ANKRD18A: variants seen among roughly 807,000 people sequenced by gnomAD.
ANKRD18A encodes ankyrin repeat domain 18A, also known as ankyrin repeat domain-containing protein 18A.
Under a neutral mutation model 110.6 loss-of-function variants are expected in ANKRD18A, and 72 were observed. The observed-to-expected ratio is 0.65, with a 90% confidence interval of 0.54 to 0.79. The LOEUF (loss-of-function observed/expected upper bound fraction) is 0.79. Ranked by LOEUF, ANKRD18A falls within the 30% of genes least tolerant of loss-of-function variation. The pLI is 0.00. For synonymous variants in ANKRD18A, 305 were observed against 410.3 expected (o/e 0.74, Z 3.10); for missense variants, 934 against 1,163.3 (o/e 0.80, Z 2.87).
intron 3 of ANKRD18A, among the ~76,000 whole-genome samples, chr9:38,615,185 C>T (rs1442228002): frequency 1.3e-5 from 2 of 152,140 alleles, no homozygotes; most frequent in Admixed American, 6.5e-5. Context: ...AAACCTTGCC[C>T]ATGAAAGATA....
At chr9:38,586,618 G>A (rs1195466347) in intron 11 of ANKRD18A, among the ~76,000 whole-genome samples, 1 of 152,018 alleles carries the variant, frequency 6.6e-6, no homozygotes, top group Non-Finnish European at 1.5e-5. Flanking sequence ...AGGCTGAAGT[G>A]TGATGGCGTG....
intron 6 of ANKRD18A, among the ~76,000 whole-genome samples, chr9:38,605,647 C>A (rs1246150613): frequency 6.6e-6 from 1 of 152,140 alleles, no homozygotes; most frequent in Admixed American, 6.5e-5. Context: ...TGGAATCTTG[C>A]TCTGTCACCC....
rs779510893 is a variant in ANKRD18A, at chr9:38,607,437, T to C, written c.797A>G (p.Asn266Ser). The C allele has an allele frequency of 2.0e-6, 3 of 1,502,794 alleles. No homozygotes were observed. The South Asian group carries it at 3.9e-5, about 19-fold the overall frequency. 93.1% of individuals were successfully genotyped at this position (1,502,794 alleles called of 1,614,324 possible). A position where few individuals can be genotyped will look rare whatever the true frequency, so the allele number is the denominator to read the frequency against. ...KNKMLKNHLRNDNQETAAMKP... is the reference protein window; with the variant it reads ...KNKMLKNHLRSDNQETAAMKP... ...ATCAGAAGTCTTACCTTGATTGTCA[T>C]TTCGAAGATGATTTTTAAGCATTTT... Residue 266 changes from asparagine to serine, a missense_variant, in exon 6 of 16, where the codon AAT becomes AGT. Coordinates refer to ENST00000399703, the MANE Select transcript of ANKRD18A (RefSeq NM_147195.4).
chr9:38,597,598 T>C (rs1824943259), intron 8 of ANKRD18A, among the ~76,000 whole-genome samples: 1 of 152,154 alleles, frequency 6.6e-6, no homozygotes, highest in South Asian at 2.1e-4. Flanking sequence ...AAAGGGAAGA[T>C]ACAATTACAT....
intron 10 of ANKRD18A, among the ~76,000 whole-genome samples, chr9:38,591,166 A>C (rs1293945528): frequency 6.8e-6 from 1 of 147,862 alleles, no homozygotes; most frequent in East Asian, 2.0e-4. Flanking sequence ...TCAGGGTCTC[A>C]CTTATATTGC....
chr9:38,614,905 G>A (rs573516060), intron 3 of ANKRD18A, among the ~76,000 whole-genome samples: 1 of 152,262 alleles, frequency 6.6e-6, no homozygotes, highest in East Asian at 1.9e-4. Flanking sequence ...TTGCTGAAGT[G>A]TTTCTCACTT....
At chr9:38,613,239 T>C (rs1825716949) in intron 3 of ANKRD18A, among the ~76,000 whole-genome samples, 2 of 150,914 alleles carry the variant, frequency 1.3e-5, no homozygotes, top group African/African-American at 2.4e-5. Context: ...CAAGCAGTGA[T>C]GTGGTTCTGG....
At chr9:38,591,824 C>T (rs1172441289) in intron 10 of ANKRD18A, among the ~76,000 whole-genome samples, 1 of 152,148 alleles carries the variant, frequency 6.6e-6, no homozygotes, top group Non-Finnish European at 1.5e-5. Flanking sequence ...ACCGACATGA[C>T]CAGCAGAGAC....
At chr9:38,615,129 G>C (rs951852125) in intron 3 of ANKRD18A, among the ~76,000 whole-genome samples, 1 of 152,172 alleles carries the variant, frequency 6.6e-6, no homozygotes, top group African/African-American at 2.4e-5. Flanking sequence ...CAAGTGACCT[G>C]CATGTTTTTG....
intron 10 of ANKRD18A, among the ~76,000 whole-genome samples, chr9:38,591,187 C>T (rs1333432193): frequency 1.4e-5 from 2 of 148,086 alleles, no homozygotes; most frequent in South Asian, 4.3e-4. Context: ...TCTGGCTGGT[C>T]TCAAATTCCT....
At chr9:38,584,180 C>A (rs1824277516) in intron 12 of ANKRD18A, among the ~76,000 whole-genome samples, 1 of 152,196 alleles carries the variant, frequency 6.6e-6, no homozygotes, top group Non-Finnish European at 1.5e-5. Flanking sequence ...TTCAATGGGT[C>A]CACATGGCTA....
chr9:38,611,181 G>T, intron 4 of ANKRD18A, 34 bp downstream of exon 4: 1 of 1,520,808 alleles, frequency 6.6e-7, no homozygotes, highest in South Asian at 1.3e-5. Context: ...AGGTTTTTAG[G>T]AAAAAAGAAA....
chr9:38,575,417 A>G, intron 15 of ANKRD18A, 59 bp downstream of exon 15: 1 of 1,444,704 alleles, frequency 6.9e-7, no homozygotes. Context: ...TCATCAAATT[A>G]TAGACAAGAA....
chr9:38,575,956 A>T (rs1280433495), intron 14 of ANKRD18A, among the ~76,000 whole-genome samples: 1 of 152,234 alleles, frequency 6.6e-6, no homozygotes, highest in African/African-American at 2.4e-5. Flanking sequence ...AATGGCTATC[A>T]GTGATGTACG....
At position 38,611,311 on chromosome 9, in the gene ANKRD18A, G is replaced by T. The variant is rs1472893561; in HGVS notation, c.506C>A (p.Thr169Asn). ...NIEALNKEGN[T>N]PLLFAINSRR... ...GGAATTTATAGCAAACAAAAGTGGA[G>T]TGTTTCCCTCCTGTAAGAAAGCAAA... The change falls in exon 4 of 16, where the codon ACT (threonine) becomes AAT (asparagine). Residue 169 changes from threonine (T) to asparagine (N), a missense_variant. Transcript: ENST00000399703. The T allele has an allele frequency of 5.3e-6, 8 of 1,522,926 alleles. No individual in the cohort carries two copies. The African/African-American group carries it at 1.1e-4, about 21-fold the overall frequency. 94.3% of individuals were successfully genotyped at this position (1,522,926 alleles called of 1,614,324 possible). A position where few individuals can be genotyped will look rare whatever the true frequency, so the allele number is the denominator to read the frequency against.
chr9:38,582,085 C>G (rs1267594698), intron 12 of ANKRD18A, among the ~76,000 whole-genome samples: 2 of 152,058 alleles, frequency 1.3e-5, no homozygotes, highest in African/African-American at 4.8e-5. Flanking sequence ...TTGATTTCCA[C>G]TGAGGAAAGC....
At chr9:38,588,808 G>A (rs1824504796) in intron 10 of ANKRD18A, 145 bp from the exon 11 acceptor site, 1 of 492,562 alleles carries the variant, frequency 2.0e-6, no homozygotes, top group African/African-American at 2.0e-5. Context: ...CCAATAACGA[G>A]ATTTCAAAAC....
chr9:38,619,324 T>A (rs181547905), intron 1 of ANKRD18A, among the ~76,000 whole-genome samples: 1 of 152,334 alleles, frequency 6.6e-6, no homozygotes, highest in East Asian at 1.9e-4. Context: ...AACTCATCTT[T>A]TCCTACTCAT....
At chr9:38,599,275 T>C (rs1355876787) in intron 8 of ANKRD18A, among the ~76,000 whole-genome samples, 1 of 152,188 alleles carries the variant, frequency 6.6e-6, no homozygotes, top group Non-Finnish European at 1.5e-5. Flanking sequence ...ATGCCTAGAA[T>C]ACCACAGAGT....
Sources: gnomAD v4.1 joint callset for allele counts (sites outside exome capture counted in the v4.1 genomes callset) on GRCh38, gnomAD v4.1.1 for gene constraint, MANE v1.5 for transcripts, NCBI Gene and HGNC (gene_info 2026-07-23, HGNC 2026-07-21) for gene names.